The following EML6 variants were observed in gnomAD, a reference collection of about 807,000 sequenced individuals.
EML6 encodes echinoderm microtubule-associated protein-like 6.
Under a neutral mutation model 240.1 loss-of-function variants are expected in EML6, and 154 were observed. The ratio of observed to expected loss-of-function variants is 0.64; its 90% CI spans 0.56 to 0.73. The LOEUF is 0.73. Among genes scored for constraint, EML6 ranks in the 30% least tolerant of loss-of-function variants. EML6 has a pLI of 0.00. For missense variants in EML6, 2,964 were observed against 2,474.6 expected (o/e 1.20, Z -4.20); for synonymous variants, 1,148 against 899.0 (o/e 1.28, Z -4.95).
intron 25 of EML6, among the ~76,000 whole-genome samples, chr2:54,915,459 G>A (rs530172276): frequency 6.6e-6 from 1 of 152,250 alleles, no homozygotes; most frequent in African/African-American, 2.4e-5. Context: ...GTTAGGTTAG[G>A]ACATCATAAG....
intron 2 of EML6, among the ~76,000 whole-genome samples, chr2:54,754,160 A>G (rs1167905967): frequency 1.3e-5 from 2 of 148,648 alleles, no homozygotes; most frequent in Non-Finnish European, 3.0e-5. Context: ...TTTTTTTTTT[A>G]GAGACAGAAT....
intron 21 of EML6, among the ~76,000 whole-genome samples, chr2:54,895,782 T>C (rs1423408153): frequency 1.3e-5 from 2 of 152,228 alleles, no homozygotes; most frequent in Non-Finnish European, 2.9e-5. Flanking sequence ...AGGCTTTTTT[T>C]TTTCTTGCTG....
intron 2 of EML6, among the ~76,000 whole-genome samples, chr2:54,756,120 C>T (rs569067074): frequency 1.3e-5 from 2 of 152,098 alleles, no homozygotes; most frequent in East Asian, 1.9e-4. Context: ...ATGCCGTGAG[C>T]GATAGGTGGC....
intron 2 of EML6, among the ~76,000 whole-genome samples, chr2:54,779,986 T>A (rs1461639238): frequency 6.6e-6 from 1 of 151,758 alleles, no homozygotes; most frequent in African/African-American, 2.4e-5. Context: ...AACCTTCAAA[T>A]GATACGGAAA....
At chr2:54,744,583 G>A (rs1032600295) in intron 2 of EML6, among the ~76,000 whole-genome samples, 1 of 152,006 alleles carries the variant, frequency 6.6e-6, no homozygotes. Context: ...ACGCAGAGCA[G>A]GGGGAGCAGG....
rs962498156 is a variant in EML6 at position 54,957,786 on chromosome 2, A to G, written c.4487-4A>G. On this transcript the variant is annotated splice_region_variant and splice_polypyrimidine_tract_variant and intron_variant, in intron 32 of 41. Coordinates refer to ENST00000356458, the MANE Select transcript of EML6 (RefSeq NM_001039753.4). ...AGCCTCACTGGACTCTGTCACCCAC[A>G]CAGGTGCCAAGGTTGCCAGCCGAGG... is the stretch of plus-strand genomic sequence containing the variant. 33 of 1,549,450 alleles carry G rather than the reference A, an allele frequency of 2.1e-5. No homozygotes were observed. Among genetic ancestry groups the G allele is most frequent in the East Asian group, 1.2e-4 (5 of 40,936 alleles).
chr2:54,909,469 T>G (rs1318470543), intron 24 of EML6, among the ~76,000 whole-genome samples: 1 of 152,178 alleles, frequency 6.6e-6, no homozygotes, highest in Non-Finnish European at 1.5e-5. Flanking sequence ...TTCACCAAAT[T>G]AGAAATGATT....
chr2:54,776,842 G>A (rs374191897), intron 2 of EML6, among the ~76,000 whole-genome samples: 2 of 152,198 alleles, frequency 1.3e-5, no homozygotes, highest in East Asian at 3.9e-4. Context: ...TGTATACTGG[G>A]ACCCTGGTGA....
In EML6 at chr2:54,724,098, T is replaced by C. The variant is rs560177695; in HGVS notation, c.-514+321T>C. ...TTTGATTTCTCCTCGACCAGGAGCG[T>C]TTGTAGGTAGCGCACTCCCTCCGAC... On this transcript the variant is annotated intron_variant, in intron 1 of 41. Transcript: ENST00000356458. The surrounding 1 kb of genome is among the most constrained non-coding windows in gnomAD (Gnocchi z 5.2). Among the ~76,000 whole-genome samples, 1 of 152,292 alleles carries C rather than the reference T, an allele frequency of 6.6e-6. No homozygotes were observed. Among genetic ancestry groups the C allele is most frequent in the Non-Finnish European group, 1.5e-5 (1 of 68,020 alleles).
At chr2:54,806,341 G>C (rs527256094) in intron 2 of EML6, among the ~76,000 whole-genome samples, 3 of 151,940 alleles carry the variant, frequency 2.0e-5, no homozygotes, top group Non-Finnish European at 4.4e-5. Context: ...GGCCGGGCGC[G>C]GTGGCTCACA....
At chr2:54,779,608 TC>T (rs1372608280) in intron 2 of EML6, among the ~76,000 whole-genome samples, 1 of 148,660 alleles carries the variant, frequency 6.7e-6, no homozygotes, top group African/African-American at 2.5e-5. Context: ...ACACCTGTAA[TC>T]CCAGCACTTT....
intron 2 of EML6, among the ~76,000 whole-genome samples, chr2:54,739,633 G>C (rs901378491): frequency 1.3e-5 from 2 of 152,314 alleles, no homozygotes; most frequent in South Asian, 4.1e-4. Context: ...TTGCAGTCAC[G>C]AGGGCAGGAG....
intron 2 of EML6, among the ~76,000 whole-genome samples, chr2:54,762,497 T>G (rs1456706565): frequency 6.6e-6 from 1 of 152,218 alleles, no homozygotes; most frequent in Non-Finnish European, 1.5e-5. Context: ...CACATAAATA[T>G]CTTACTCCCC....
intron 5 of EML6, among the ~76,000 whole-genome samples, chr2:54,824,822 G>T (rs897700298): frequency 6.6e-6 from 1 of 152,144 alleles, no homozygotes; most frequent in East Asian, 1.9e-4. Context: ...AACAAAATTT[G>T]CATTACAGTC....
At chr2:54,924,166 A>G (rs1028511762) in intron 26 of EML6, among the ~76,000 whole-genome samples, 34 of 152,242 alleles carry the variant, frequency 2.2e-4, no homozygotes, top group Non-Finnish European at 3.2e-4. Context: ...GGAAAAATAT[A>G]TATAACATTT....
chr2:54,847,746 T>C lies in EML6; in HGVS notation c.1187+123T>C, dbSNP rs988995875. On this transcript the variant is annotated intron_variant, in intron 9 of 41. Coordinates refer to ENST00000356458, the MANE Select transcript of EML6 (RefSeq NM_001039753.4). ...CATTTAGCCATTCAAATAGGAATAC[T>C]ATAGATCTACGATCCCCTATCTGTA... The C allele has an allele frequency of 6.3e-6, 6 of 955,500 alleles. No homozygotes were observed. The African/African-American group carries it at 1.2e-4, about 18-fold the overall frequency. The allele number at this position is 955,500 out of a possible 1,614,324, so 59.2% of individuals were successfully genotyped here. A position where few individuals can be genotyped will look rare whatever the true frequency, so the allele number is the denominator to read the frequency against.
chr2:54,780,260 A>C (rs1416373370), intron 2 of EML6, among the ~76,000 whole-genome samples: 1 of 152,252 alleles, frequency 6.6e-6, no homozygotes, highest in African/African-American at 2.4e-5. Flanking sequence ...AATTAGTTAG[A>C]TATGATAAAA....
At chr2:54,857,518 C>T (rs143717781) in intron 11 of EML6, among the ~76,000 whole-genome samples, 3 of 152,288 alleles carry the variant, frequency 2.0e-5, no homozygotes, top group African/African-American at 7.2e-5. Context: ...CCTCGTGGAG[C>T]TTTTGTTCTA....
chr2:54,915,136 C>T lies in EML6; in HGVS notation c.3499-1623C>T, dbSNP rs57301683. The stretch of plus-strand genomic sequence containing the variant: ...AGTTTATTTAACCCTTTTGCATTGA[C>T]GGATTATAGGTATCATTTTTAATGC... On this transcript the variant is annotated intron_variant, in intron 25 of 41. Transcript: ENST00000356458. Among the ~76,000 whole-genome samples, 594 of 152,234 alleles carry T rather than the reference C, an allele frequency of 3.9e-3. 4 individuals are homozygous for T. The highest frequency in any genetic ancestry group is 0.014 in the African/African-American group (565 of 41,542).
Sources: gnomAD v4.1 joint callset for allele counts (sites outside exome capture counted in the v4.1 genomes callset) on GRCh38, gnomAD v4.1.1 for gene constraint, Gnocchi (gnomAD v3.1) non-coding constraint, MANE v1.5 for transcripts, NCBI Gene and HGNC (gene_info 2026-07-23, HGNC 2026-07-21) for gene names.